RGPD2: variants seen among roughly 807,000 people sequenced by gnomAD.
RGPD2 encodes the protein RANBP2 like and GRIP domain containing 2.
In RGPD2, 2 loss-of-function variants were observed where a neutral mutation model predicts 36.0. The observed-to-expected ratio is 0.06, with a 90% confidence interval of 0.02 to 0.17. The LOEUF is 0.17. Ranked by LOEUF, RGPD2 falls within the 10% of genes least tolerant of loss-of-function variation. RGPD2 has a pLI of 1.00. For synonymous variants in RGPD2, 19 were observed against 163.8 expected (o/e 0.12, Z 6.75); for missense variants, 40 against 464.3 (o/e 0.09, Z 8.40).
chr2:87,825,767 G>T lies in RGPD2; in HGVS notation c.-38C>A, dbSNP rs1158151653. The T allele has an allele frequency of 1.5e-5, 24 of 1,564,044 alleles. No homozygotes were observed. The highest frequency in any genetic ancestry group is 2.0e-5 in the Non-Finnish European group (23 of 1,154,266). On this transcript the variant is annotated 5_prime_UTR_variant, in exon 1 of 23. The change creates a new upstream start codon in the 5' untranslated region. Transcript: ENST00000398146. Reference sequence around the variant, plus strand: ...CTGGCTCCCGAGACGCGTGAAACCAGCGCTCAGCCCCGCAGCAGTCGCCAA... The same window carrying T: ...CTGGCTCCCGAGACGCGTGAAACCATCGCTCAGCCCCGCAGCAGTCGCCAA...
At chr2:87,952,271 A>G in the RGPD2 span, among the ~76,000 whole-genome samples, 1 of 152,194 alleles carries the variant, frequency 6.6e-6, no homozygotes, top group East Asian at 1.9e-4. Context: ...GAGAGAGTTT[A>G]GAAAAAATAA....
chr2:87,855,332 T>C, the RGPD2 span, among the ~76,000 whole-genome samples: 13 of 151,398 alleles, frequency 8.6e-5, no homozygotes, highest in Non-Finnish European at 1.6e-4. Flanking sequence ...GGCTATGCCA[T>C]CTTGGATTCC....
the RGPD2 span, among the ~76,000 whole-genome samples, chr2:87,845,932 C>A: frequency 2.6e-5 from 4 of 151,480 alleles, no homozygotes; most frequent in Non-Finnish European, 4.4e-5. Context: ...TTTAAAATAT[C>A]TTTATTGTGA....
At chr2:87,975,774 T>G in the RGPD2 span, among the ~76,000 whole-genome samples, 4 of 150,552 alleles carry the variant, frequency 2.7e-5, no homozygotes, top group Non-Finnish European at 6.0e-5. Context: ...AGCCTTCATC[T>G]GTGTACCCCC....
chr2:87,860,979 C>T, the RGPD2 span, among the ~76,000 whole-genome samples: 3 of 151,996 alleles, frequency 2.0e-5, no homozygotes, highest in Admixed American at 6.6e-5. Flanking sequence ...AGCTTTACTA[C>T]TGTATTAATG....
the RGPD2 span, among the ~76,000 whole-genome samples, chr2:87,962,030 A>C: frequency 3.0e-5 from 4 of 135,002 alleles, no homozygotes; most frequent in Admixed American, 1.4e-4. Context: ...CTTGTCTCAA[A>C]AAAAAAAAAA....
At chr2:87,978,877 C>T in the RGPD2 span, among the ~76,000 whole-genome samples, 1 of 147,766 alleles carries the variant, frequency 6.8e-6, no homozygotes, top group African/African-American at 2.5e-5. Context: ...ACGATAGCAT[C>T]ACTGCAGTCC....
the RGPD2 span, among the ~76,000 whole-genome samples, chr2:87,967,884 T>A: frequency 6.7e-6 from 1 of 148,630 alleles, no homozygotes; most frequent in Non-Finnish European, 1.5e-5. Context: ...AATAATCTTC[T>A]AGGTGTCATG....
the RGPD2 span, among the ~76,000 whole-genome samples, chr2:87,927,223 C>T: frequency 7.6e-6 from 1 of 131,152 alleles, no homozygotes; most frequent in Non-Finnish European, 1.7e-5. Flanking sequence ...TATCACCTCC[C>T]ATAATTGTTA....
the RGPD2 span, chr2:87,972,776 G>A: frequency 6.2e-7 from 1 of 1,611,540 alleles, no homozygotes; most frequent in African/African-American, 1.3e-5. Flanking sequence ...CTGTGAGAGT[G>A]GTCACTGCTG....
the RGPD2 span, among the ~76,000 whole-genome samples, chr2:87,946,952 AAAG>A: frequency 2.8e-3 from 215 of 77,106 alleles, no homozygotes; most frequent in Non-Finnish European, 4.3e-3. Context: ...AGACTGTCTC[AAAG>A]AAGAATATCT....
At chr2:87,988,309 T>C in the RGPD2 span, among the ~76,000 whole-genome samples, 17 of 132,864 alleles carry the variant, frequency 1.3e-4, no homozygotes, top group East Asian at 3.8e-3. Context: ...ATAATTCTGA[T>C]TGTATTTTGA....
chr2:87,875,271 T>C, the RGPD2 span, among the ~76,000 whole-genome samples: 1 of 152,174 alleles, frequency 6.6e-6, no homozygotes, highest in Admixed American at 6.5e-5. Flanking sequence ...AGGGTGTGCT[T>C]GTTTTGTGCC....
chr2:87,842,697 T>C, the RGPD2 span, among the ~76,000 whole-genome samples: 1 of 151,546 alleles, frequency 6.6e-6, no homozygotes, highest in Non-Finnish European at 1.5e-5. Context: ...CTTCACAGAA[T>C]TGGAAAAAAC....
chr2:87,947,503 T>C, the RGPD2 span, among the ~76,000 whole-genome samples: 5 of 152,400 alleles, frequency 3.3e-5, no homozygotes, highest in South Asian at 1.0e-3. Flanking sequence ...AAAATATTCC[T>C]AACACCAGGA....
At chr2:87,844,628 TTA>T in the RGPD2 span, among the ~76,000 whole-genome samples, 5 of 151,460 alleles carry the variant, frequency 3.3e-5, no homozygotes, top group African/African-American at 4.8e-5. Flanking sequence ...TGGAGATACA[TTA>T]TATATATATA....
the RGPD2 span, among the ~76,000 whole-genome samples, chr2:87,939,652 C>T: frequency 2.6e-5 from 4 of 151,688 alleles, no homozygotes; most frequent in Non-Finnish European, 5.9e-5. Context: ...TGAACCAGAT[C>T]AGCAATCTAA....
At chr2:87,979,229 GTCCCCCTC>G in the RGPD2 span, among the ~76,000 whole-genome samples, 2 of 19,332 alleles carry the variant, frequency 1.0e-4, no homozygotes, top group Non-Finnish European at 1.5e-4. Flanking sequence ...GCAAGACTCT[GTCCCCCTC>G]CCCCAAAAAA....
At chr2:87,892,671 T>A in the RGPD2 span, among the ~76,000 whole-genome samples, 2 of 150,832 alleles carry the variant, frequency 1.3e-5, no homozygotes, top group Non-Finnish European at 3.0e-5. Context: ...AGTTTTCAAC[T>A]GAACACATGC....
Sources: allele counts gnomAD v4.1 joint callset (sites outside exome capture counted in the v4.1 genomes callset), GRCh38; gene constraint gnomAD v4.1.1; transcripts MANE v1.5; gene names NCBI Gene and HGNC (gene_info 2026-07-23, HGNC 2026-07-21).